Variants in GSN observed in about 807,000 individuals in gnomAD.
GSN encodes actin-depolymerizing factor.
In GSN, 56 loss-of-function variants were observed where a neutral mutation model predicts 85.7. That is an observed-to-expected ratio of 0.65 (90% CI 0.53 to 0.82). The LOEUF (loss-of-function observed/expected upper bound fraction) is 0.82. GSN is among the 40% of genes least tolerant of loss of function. The pLI, the probability that GSN is intolerant of heterozygous loss-of-function variation, is 0.00. For synonymous variants in GSN, 373 were observed against 399.1 expected, an observed-to-expected ratio of 0.93 and a Z score of 0.78; for missense variants, 857 against 979.8, an observed-to-expected ratio of 0.87 and a Z score of 1.67.
chr9:121,323,795 A>G (rs901051869), intron 11 of GSN, among the ~76,000 whole-genome samples: 1 of 152,076 alleles, frequency 6.6e-6, no homozygotes, highest in African/African-American at 2.4e-5. Flanking sequence ...CATGCCCTTA[A>G]CACTTTTAAA....
rs145425131 is a variant in GSN at position 121,212,976 on chromosome 9, G to A, written c.-528+2109G>A. Among the ~76,000 whole-genome samples the A allele has an allele frequency of 8.2e-4, 124 of 152,038 alleles. 2 individuals carry two copies. The highest frequency in any genetic ancestry group is 3.4e-3 in the Middle Eastern group (1 of 294). Reference sequence around the variant, plus strand: ...TGCTCTTGACAAAGATCTTTTTCCCGTCCAGAGATTGGAGGGAAAGCTAAG... The same window carrying A: ...TGCTCTTGACAAAGATCTTTTTCCCATCCAGAGATTGGAGGGAAAGCTAAG... On this transcript the variant is annotated intron_variant, in intron 4 of 24. Coordinates refer to the GSN transcript ENST00000373823.
intron 6 of GSN, among the ~76,000 whole-genome samples, chr9:121,258,490 A>T (rs1333054929): frequency 6.6e-6 from 1 of 151,980 alleles, no homozygotes; most frequent in East Asian, 1.9e-4. Flanking sequence ...TATATTGAAG[A>T]TATTTAAGTA....
At chr9:121,241,712 T>C (rs2054608902) in intron 5 of GSN, among the ~76,000 whole-genome samples, 1 of 152,202 alleles carries the variant, frequency 6.6e-6, no homozygotes, top group Admixed American at 6.5e-5. Flanking sequence ...AAGGAGTCCA[T>C]TGCTCTGCAA....
At chr9:121,253,818 C>T (rs1395143932) in intron 6 of GSN, among the ~76,000 whole-genome samples, 2 of 152,132 alleles carry the variant, frequency 1.3e-5, no homozygotes, top group Non-Finnish European at 2.9e-5. Context: ...CCCTTGAAAC[C>T]CTTCTTTGCT....
intron 6 of GSN, among the ~76,000 whole-genome samples, chr9:121,256,860 G>A (rs1243990412): frequency 6.6e-6 from 1 of 152,104 alleles, no homozygotes; most frequent in African/African-American, 2.4e-5. Context: ...CTGCACTCCA[G>A]CCTGGGCAAA....
intron 6 of GSN, among the ~76,000 whole-genome samples, chr9:121,255,372 G>A (rs574877185): frequency 5.2e-4 from 79 of 152,252 alleles, no homozygotes; most frequent in African/African-American, 1.8e-3. Context: ...TGGGTATCTG[G>A]GAGTAGGCGT....
In GSN at chr9:121,318,590, G is replaced by T. The variant is rs548140389; in HGVS notation, c.976-75G>T. 4 of 1,449,036 alleles carry T rather than the reference G, an allele frequency of 2.8e-6. No individual in the cohort carries two copies. In the African/African-American group the frequency reaches 5.6e-5, roughly 20 times the overall value. 89.8% of individuals were successfully genotyped at this position (1,449,036 alleles called of 1,614,324 possible). A position where few individuals can be genotyped will look rare whatever the true frequency, so the allele number is the denominator to read the frequency against. ...GGGTGTCCCACCCTCAGTGTGGATG[G>T]GGTATCTGAGGCTCCCCTGGGGACC... On this transcript the variant is annotated intron_variant, in intron 9 of 17. Transcript: ENST00000432226. The surrounding 1 kb of genome is among the most constrained non-coding windows in gnomAD (Gnocchi z 4.3).
chr9:121,224,330 AC>A (rs1197872445), intron 4 of GSN, among the ~76,000 whole-genome samples: 1 of 150,804 alleles, frequency 6.6e-6, no homozygotes, highest in Non-Finnish European at 1.5e-5. Context: ...CGATCTCTTG[AC>A]CTTGTGATCT....
At chr9:121,305,197 G>T (rs1358040401) in intron 4 of GSN, among the ~76,000 whole-genome samples, 1 of 152,174 alleles carries the variant, frequency 6.6e-6, no homozygotes, top group African/African-American at 2.4e-5. Context: ...CCCTTACCGT[G>T]TGTTAAGCCT....
chr9:121,211,400 A>C lies in GSN; in HGVS notation c.-528+533A>C, dbSNP rs149330415. 7.9e-5 allele frequency among the ~76,000 whole-genome samples: 12 copies of C among 152,348 alleles called. 1 individual carries two copies. The East Asian group carries it at 2.3e-3, about 29-fold the overall frequency. On this transcript the variant is annotated intron_variant, in intron 4 of 24. Coordinates refer to the GSN transcript ENST00000373823. ...AACAAACAAAGCTGAAAAAACCCAC[A>C]AGTCTTAAAATGCCTTGAAACTTTG...
At chr9:121,270,102 G>T (rs188606116) in intron 1 of GSN, among the ~76,000 whole-genome samples, 1 of 152,176 alleles carries the variant, frequency 6.6e-6, no homozygotes, top group African/African-American at 2.4e-5. Context: ...GGAGAAACAG[G>T]AGTTGGGGGA....
intron 2 of GSN, among the ~76,000 whole-genome samples, chr9:121,298,689 A>G (rs1023061408): frequency 2.6e-5 from 4 of 152,150 alleles, no homozygotes; most frequent in African/African-American, 7.2e-5. Flanking sequence ...CAGCTCTCCA[A>G]CTCTCCAGTC....
intron 5 of GSN, chr9:121,240,214 C>T (rs1379098130): frequency 1.3e-5 from 2 of 152,232 alleles, no homozygotes. Flanking sequence ...CTGATTACCT[C>T]ATTTTAACTT....
chr9:121,318,315 T>C lies in GSN; in HGVS notation c.887-91T>C. The C allele has an allele frequency of 4.7e-6, 5 of 1,055,476 alleles. No homozygotes were observed. The highest frequency in any genetic ancestry group is 7.4e-6 in the Non-Finnish European group (5 of 671,278). 65.4% of individuals were successfully genotyped at this position (1,055,476 alleles called of 1,614,324 possible). A position where few individuals can be genotyped will look rare whatever the true frequency, so the allele number is the denominator to read the frequency against. On this transcript the variant is annotated intron_variant, in intron 8 of 17. Coordinates refer to ENST00000432226, the MANE Select transcript of GSN (RefSeq NM_198252.3). This position sits in a 1 kb window ranked among gnomAD's most constrained non-coding sequence, Gnocchi z 4.3. Reference sequence around the variant, plus strand: ...GTCTAAGAAGAGTAGGGAGGGAAGTTTGGCAGCTCCTTCTCCTGGACTGTT... The same window carrying C: ...GTCTAAGAAGAGTAGGGAGGGAAGTCTGGCAGCTCCTTCTCCTGGACTGTT...
chr9:121,223,510 A>C (rs1024418055), intron 4 of GSN, among the ~76,000 whole-genome samples: 2 of 152,172 alleles, frequency 1.3e-5, no homozygotes, highest in African/African-American at 4.8e-5. Context: ...ACAATTTGTC[A>C]CCAAAGTATA....
chr9:121,316,472 T>C (rs2061712211), intron 7 of GSN, among the ~76,000 whole-genome samples: 1 of 152,196 alleles, frequency 6.6e-6, no homozygotes, highest in South Asian at 2.1e-4. Context: ...TTCTCTTTTA[T>C]TTACTTATTT....
chr9:121,245,750 T>C (rs1184149564), intron 5 of GSN, among the ~76,000 whole-genome samples: 1 of 152,068 alleles, frequency 6.6e-6, no homozygotes, highest in African/African-American at 2.4e-5. Context: ...GAAAAACACT[T>C]TTTAAAAAAG....
upstream of GSN, among the ~76,000 whole-genome samples, chr9:121,206,251 A>G (rs976732172): frequency 1.3e-5 from 2 of 152,212 alleles, no homozygotes; most frequent in Non-Finnish European, 2.9e-5. Context: ...AGTTTAACCA[A>G]AAAAAGTTGA....
At chr9:121,330,160 C>T (rs1032306307) in intron 16 of GSN, among the ~76,000 whole-genome samples, 1 of 152,222 alleles carries the variant, frequency 6.6e-6, no homozygotes, top group Admixed American at 6.5e-5. Flanking sequence ...AGTCAGCCAA[C>T]ATTTATTCAG....
Sources: allele counts gnomAD v4.1 joint callset (sites outside exome capture counted in the v4.1 genomes callset), GRCh38; gene constraint gnomAD v4.1.1; non-coding constraint Gnocchi (gnomAD v3.1); transcripts MANE v1.5; gene names NCBI Gene and HGNC (gene_info 2026-07-23, HGNC 2026-07-21).